SLIT3: variants seen among roughly 807,000 people sequenced by gnomAD.
The protein encoded by SLIT3 is slit guidance ligand 3.
A neutral mutation model predicts 184.0 loss-of-function variants in SLIT3; 68 were observed. The observed-to-expected ratio is 0.37, with a 90% CI of 0.30 to 0.45. The LOEUF (loss-of-function observed/expected upper bound fraction) is 0.45. Among genes scored for constraint, SLIT3 ranks in the 20% least tolerant of loss-of-function variants. The pLI is 1.00. For missense variants in SLIT3, 1,707 were observed against 2,026.0 expected (o/e 0.84, Z 3.02); for synonymous variants, 831 against 828.6 (o/e 1.00, Z -0.05).
At chr5:169,042,451 G>A (rs1402272095) in intron 4 of SLIT3, among the ~76,000 whole-genome samples, 1 of 152,284 alleles carries the variant, frequency 6.6e-6, no homozygotes, top group East Asian at 1.9e-4. Context: ...TATCAAAGAC[G>A]GATGTGCTAA....
At chr5:168,884,637 G>A (rs1392133178) in intron 4 of SLIT3, among the ~76,000 whole-genome samples, 5 of 128,060 alleles carry the variant, frequency 3.9e-5, no homozygotes, top group African/African-American at 1.5e-4. Flanking sequence ...TATTATTTTT[G>A]CTTGCTATAT....
At chr5:169,293,077 G>T (rs888041888) in intron 1 of SLIT3, among the ~76,000 whole-genome samples, 2 of 152,194 alleles carry the variant, frequency 1.3e-5, no homozygotes, top group Non-Finnish European at 2.9e-5. Context: ...GGAGTACGAG[G>T]CCTATGCCCA....
chr5:169,034,867 C>T (rs1757170821), intron 4 of SLIT3, among the ~76,000 whole-genome samples: 1 of 151,546 alleles, frequency 6.6e-6, no homozygotes, highest in Non-Finnish European at 1.5e-5. Flanking sequence ...CCACCTCAGC[C>T]CCTTAAGTAG....
chr5:169,124,547 C>A (rs1314264562), intron 4 of SLIT3, among the ~76,000 whole-genome samples: 1 of 151,644 alleles, frequency 6.6e-6, no homozygotes, highest in Non-Finnish European at 1.5e-5. Context: ...TGGTGCAGTG[C>A]TCTACACAGC....
intron 4 of SLIT3, among the ~76,000 whole-genome samples, chr5:169,021,854 T>C (rs1327671326): frequency 5.3e-5 from 8 of 152,230 alleles, no homozygotes; most frequent in Admixed American, 5.2e-4. Context: ...GCAGCCTCTA[T>C]CCACATGGAG....
At chr5:169,234,937 T>A (rs576620443) in intron 3 of SLIT3, among the ~76,000 whole-genome samples, 7 of 152,298 alleles carry the variant, frequency 4.6e-5, no homozygotes, top group African/African-American at 1.4e-4. Context: ...TCATTATGAG[T>A]CTCTGATTGA....
intron 4 of SLIT3, among the ~76,000 whole-genome samples, chr5:169,188,940 C>T (rs1344872513): frequency 6.6e-6 from 1 of 152,146 alleles, no homozygotes; most frequent in East Asian, 1.9e-4. Flanking sequence ...TCAGGTGCTG[C>T]AAGAGCCTAG....
chr5:168,946,544 C>G (rs552831715), intron 4 of SLIT3, among the ~76,000 whole-genome samples: 23 of 152,352 alleles, frequency 1.5e-4, no homozygotes, highest in African/African-American at 5.5e-4. Flanking sequence ...TCACGCAGCA[C>G]AACAGTGACA....
At chr5:169,081,296 A>G (rs142431899) in intron 4 of SLIT3, among the ~76,000 whole-genome samples, 1,657 of 152,234 alleles carry the variant, frequency 0.011, 73 homozygotes, top group Admixed American at 0.082. Context: ...TGGGAAGAGG[A>G]GAGGAAGGAG....
chr5:168,778,061 T>G (rs1755822603), intron 12 of SLIT3, among the ~76,000 whole-genome samples: 1 of 152,144 alleles, frequency 6.6e-6, no homozygotes, highest in African/African-American at 2.4e-5. Context: ...GATTCCCCCT[T>G]TTTGCAGCAG....
At chr5:168,747,589 G>A (rs552567334) in intron 20 of SLIT3, among the ~76,000 whole-genome samples, 2 of 152,206 alleles carry the variant, frequency 1.3e-5, no homozygotes, top group African/African-American at 2.4e-5. Context: ...CTGGGGGACC[G>A]TGCCTTGTCC....
intron 5 of SLIT3, among the ~76,000 whole-genome samples, chr5:168,853,601 C>A (rs1401356374): frequency 1.3e-5 from 2 of 152,106 alleles, no homozygotes; most frequent in Non-Finnish European, 2.9e-5. Flanking sequence ...AACTGAGCAC[C>A]TTTTAAGTGT....
At chr5:168,859,540 G>A (rs971325436) in intron 5 of SLIT3, among the ~76,000 whole-genome samples, 1 of 152,180 alleles carries the variant, frequency 6.6e-6, no homozygotes, top group Non-Finnish European at 1.5e-5. Flanking sequence ...GAATGTAAGA[G>A]CACTGAGTAA....
In SLIT3 at chr5:168,857,900, G is replaced by A. The variant is rs566580121; in HGVS notation, c.486-13245C>T. Reference sequence around the variant, plus strand: ...GAGATTCACGTAGGAGTTCTTAGGCGGGACAAGACTGGCTCTCCAGCTTCT... The same window carrying A: ...GAGATTCACGTAGGAGTTCTTAGGCAGGACAAGACTGGCTCTCCAGCTTCT... On this transcript the variant is annotated intron_variant, in intron 5 of 35. Coordinates refer to ENST00000519560, the MANE Select transcript of SLIT3 (RefSeq NM_003062.4). Among the ~76,000 whole-genome samples, 10 of 152,278 alleles carry A rather than the reference G, an allele frequency of 6.6e-5. No homozygotes were observed. The East Asian group carries it at 1.2e-3, about 18-fold the overall frequency.
At chr5:168,763,979 C>A (rs1370086521) in intron 14 of SLIT3, among the ~76,000 whole-genome samples, 1 of 152,208 alleles carries the variant, frequency 6.6e-6, no homozygotes, top group Admixed American at 6.5e-5. Context: ...CATTTAGGAG[C>A]ATTAGCTTTT....
chr5:168,971,483 T>C (rs1031724375), intron 4 of SLIT3, among the ~76,000 whole-genome samples: 8 of 152,222 alleles, frequency 5.3e-5, no homozygotes, highest in African/African-American at 1.9e-4. Context: ...GAAATACATC[T>C]GATTTTTTTC....
At chr5:168,809,701 C>T (rs1364537725) in intron 8 of SLIT3, among the ~76,000 whole-genome samples, 1 of 152,144 alleles carries the variant, frequency 6.6e-6, no homozygotes, top group Non-Finnish European at 1.5e-5. Context: ...TAAAACAGGG[C>T]TCCATACAAA....
intron 4 of SLIT3, among the ~76,000 whole-genome samples, chr5:169,006,597 TCTCTCTCTCA>T (rs1253192348): frequency 1.3e-5 from 2 of 149,096 alleles, no homozygotes; most frequent in East Asian, 4.1e-4. Context: ...TCTCTCTCTC[TCTCTCTCTCA>T]CACACACACA....
Position 169,044,151 on chromosome 5 carries a change from AGGATGT to A in SLIT3, c.413+149322_413+149327del, listed in dbSNP as rs1757542373. On this transcript the variant is annotated intron_variant, in intron 4 of 35. Transcript: ENST00000519560. ...AAAAGGACAATAACAAGTGTTGGCA[AGGATGT>A]GGACCAACTGAAACATGCATACATT... 2.0e-5 allele frequency among the ~76,000 whole-genome samples: 3 copies of A among 152,358 alleles called. No homozygotes were observed. In the South Asian group the frequency reaches 6.2e-4, roughly 32 times the overall value.
Sources: allele counts gnomAD v4.1 joint callset (sites outside exome capture counted in the v4.1 genomes callset), GRCh38; gene constraint gnomAD v4.1.1; transcripts MANE v1.5; gene names NCBI Gene and HGNC (gene_info 2026-07-23, HGNC 2026-07-21).